The following LINGO2 variants were observed in gnomAD, a reference collection of about 807,000 sequenced individuals.
The protein encoded by LINGO2 is leucine-rich repeat and immunoglobulin-like domain-containing nogo receptor-interacting protein 2.
In LINGO2, 14 loss-of-function variants were observed where a neutral mutation model predicts 30.6. That is an observed-to-expected ratio of 0.46 (90% CI 0.30 to 0.72). The LOEUF (loss-of-function observed/expected upper bound fraction) is 0.72. Ranked by LOEUF, LINGO2 falls within the 30% of genes least tolerant of loss-of-function variation. The pLI is 0.07. For synonymous variants in LINGO2, 317 were observed against 288.5 expected (o/e 1.10, Z -1.00); for missense variants, 729 against 751.7 (o/e 0.97, Z 0.35).
intron 2 of LINGO2, among the ~76,000 whole-genome samples, chr9:28,454,116 C>T (rs1156524892): frequency 1.3e-5 from 2 of 151,862 alleles, no homozygotes; most frequent in African/African-American, 4.8e-5. Flanking sequence ...AAAGAGATAA[C>T]CTAGAAGGTA....
chr9:28,734,755 C>T, the LINGO2 span, among the ~76,000 whole-genome samples: 1 of 152,078 alleles, frequency 6.6e-6, no homozygotes, highest in Non-Finnish European at 1.5e-5. Context: ...ATAAATTTAC[C>T]ATGAACCCAG....
intron 1 of LINGO2, among the ~76,000 whole-genome samples, chr9:28,523,230 T>A (rs117143417): frequency 6.6e-6 from 1 of 151,456 alleles, no homozygotes; most frequent in Non-Finnish European, 1.5e-5. Flanking sequence ...ATCCTCTCAG[T>A]AGATTTAGAA....
chr9:28,317,918 C>T (rs1824902627), intron 3 of LINGO2, among the ~76,000 whole-genome samples: 1 of 152,066 alleles, frequency 6.6e-6, no homozygotes, highest in Admixed American at 6.6e-5. Flanking sequence ...TGGGACTAAG[C>T]ATAACACAAC....
At chr9:29,143,060 TA>T in the LINGO2 span, among the ~76,000 whole-genome samples, 1 of 50,528 alleles carries the variant, frequency 2.0e-5, no homozygotes, top group East Asian at 1.0e-3. Context: ...AGAAAAAAAG[TA>T]AAATATTTAG....
intron 3 of LINGO2, among the ~76,000 whole-genome samples, chr9:28,346,102 G>T (rs1300696255): frequency 1.3e-5 from 2 of 152,098 alleles, no homozygotes; most frequent in Admixed American, 1.3e-4. Flanking sequence ...ACATGTGCAG[G>T]TTTGTTATAT....
chr9:28,405,951 C>G (rs1196333520), intron 2 of LINGO2, among the ~76,000 whole-genome samples: 1 of 152,164 alleles, frequency 6.6e-6, no homozygotes, highest in Non-Finnish European at 1.5e-5. Context: ...TGGCTATTAG[C>G]AAGGTATTAA....
At chr9:28,672,659 G>A (rs987203692), upstream of LINGO2, among the ~76,000 whole-genome samples, 1 of 152,044 alleles carries the variant, frequency 6.6e-6, no homozygotes, top group Non-Finnish European at 1.5e-5. Context: ...AGTGTTTATT[G>A]AGTGTTTTAA....
chr9:28,270,314 C>A (rs1340936708), intron 4 of LINGO2, among the ~76,000 whole-genome samples: 1 of 152,008 alleles, frequency 6.6e-6, no homozygotes, highest in Non-Finnish European at 1.5e-5. Context: ...AAACTTGTAG[C>A]CCATGAGTCA....
At chr9:28,189,449 AAGGAAGGAAGGGAGGG>A (rs2133761180) in intron 4 of LINGO2, among the ~76,000 whole-genome samples, 2 of 30,324 alleles carry the variant, frequency 6.6e-5, no homozygotes, top group Admixed American at 4.0e-4. Flanking sequence ...GGGAGGGAGG[AAGGAAGGAAGGGAGGG>A]AGGAAGGAAG....
chr9:28,820,431 A>G, the LINGO2 span, among the ~76,000 whole-genome samples: 12 of 152,318 alleles, frequency 7.9e-5, no homozygotes, highest in Admixed American at 6.5e-5. Flanking sequence ...AAAAAGATGC[A>G]AGCAGTATAA....
At chr9:28,719,539 G>C in the LINGO2 span, among the ~76,000 whole-genome samples, 109 of 152,118 alleles carry the variant, frequency 7.2e-4, 1 homozygote, top group East Asian at 0.017. Flanking sequence ...CATTTGGCCA[G>C]TCCCTCTTTG....
chr9:29,000,436 G>A, the LINGO2 span, among the ~76,000 whole-genome samples: 1 of 151,734 alleles, frequency 6.6e-6, no homozygotes, highest in Non-Finnish European at 1.5e-5. Context: ...TATACAATAT[G>A]TATATTTAAA....
At chr9:28,372,061 T>C (rs10968539) in intron 3 of LINGO2, among the ~76,000 whole-genome samples, 55,706 of 151,972 alleles carry the variant, frequency 0.37, 10,562 homozygotes, top group Middle Eastern at 0.53. Flanking sequence ...TAAAAATATA[T>C]GAATAGTAGA....
chr9:28,615,570 A>C (rs1301127130), intron 1 of LINGO2, among the ~76,000 whole-genome samples: 2 of 152,336 alleles, frequency 1.3e-5, no homozygotes, highest in African/African-American at 4.8e-5. Context: ...AATAATTAAC[A>C]ACATACTATA....
the LINGO2 span, among the ~76,000 whole-genome samples, chr9:28,805,722 T>G: frequency 7.9e-5 from 12 of 152,090 alleles, no homozygotes; most frequent in African/African-American, 2.7e-4. Context: ...CTGGAAGGAA[T>G]TGTTGTCCCT....
chr9:27,949,339 C>A (rs1823509521), exon 6 of LINGO2: 3 of 1,613,996 alleles, frequency 1.9e-6, no homozygotes, highest in African/African-American at 2.7e-5. Flanking sequence ...CGGGGTGTCA[C>A]CCAGGAAATC....
At chr9:29,075,261 G>C in the LINGO2 span, among the ~76,000 whole-genome samples, 1 of 152,226 alleles carries the variant, frequency 6.6e-6, no homozygotes, top group East Asian at 1.9e-4. Flanking sequence ...AAAGTGATTT[G>C]TTAAAAAACT....
chr9:28,260,117 C>T (rs772457615), intron 4 of LINGO2, among the ~76,000 whole-genome samples: 1 of 151,700 alleles, frequency 6.6e-6, no homozygotes, highest in Non-Finnish European at 1.5e-5. Flanking sequence ...ACTTCAGGAT[C>T]CATAAATTCA....
chr9:28,505,925 G>A (rs1820090713), intron 1 of LINGO2, among the ~76,000 whole-genome samples: 1 of 151,672 alleles, frequency 6.6e-6, no homozygotes, highest in Non-Finnish European at 1.5e-5. Flanking sequence ...TATGTTTTAA[G>A]CACAAAGGAA....
Sources: allele counts gnomAD v4.1 joint callset (sites outside exome capture counted in the v4.1 genomes callset), GRCh38; gene constraint gnomAD v4.1.1; transcripts MANE v1.5; gene names NCBI Gene and HGNC (gene_info 2026-07-23, HGNC 2026-07-21).